The following KATNB1 variants were observed in gnomAD, a reference collection of about 807,000 sequenced individuals.
KATNB1 encodes katanin regulatory subunit B1.
Under a neutral mutation model 82.3 loss-of-function variants are expected in KATNB1, and 38 were observed. The ratio of observed to expected loss-of-function variants is 0.46; its 90% CI spans 0.36 to 0.61. The LOEUF (loss-of-function observed/expected upper bound fraction) is 0.61, where lower values mean the gene tolerates loss of function less well. KATNB1 is among the 20% of genes least tolerant of loss of function. The pLI, the probability that KATNB1 is intolerant of heterozygous loss-of-function variation, is 0.00. For synonymous variants in KATNB1, 361 were observed against 368.7 expected, an observed-to-expected ratio of 0.98 and a Z score of 0.24; for missense variants, 749 against 915.7, an observed-to-expected ratio of 0.82 and a Z score of 2.35.
In KATNB1 at chr16:57,755,010, A is replaced by G; in HGVS notation, c.1296+13A>G. 1.9e-6 allele frequency: 3 copies of G among 1,613,888 alleles called. No individual in the cohort carries two copies. The highest frequency in any genetic ancestry group is 1.7e-6 in the Non-Finnish European group (2 of 1,180,006). On this transcript the variant is annotated intron_variant, in intron 14 of 19. Coordinates refer to ENST00000379661, the MANE Select transcript of KATNB1 (RefSeq NM_005886.3). Reference sequence around the variant, plus strand: ...CCCGGTGCCAAATGTATGTCCATGGAGGGAGCATGGTGTGGGGCCTAGAGA... The same window carrying G: ...CCCGGTGCCAAATGTATGTCCATGGGGGGAGCATGGTGTGGGGCCTAGAGA...
At chr16:57,737,382 A>G (rs1253010031) in intron 2 of KATNB1, 99 bp downstream of exon 2, 7 of 1,332,754 alleles carry the variant, frequency 5.3e-6, no homozygotes, top group Non-Finnish European at 7.5e-6. Flanking sequence ...TTCTTGGCAC[A>G]GGAGGAGACT....
chr16:57,741,254 T>C (rs2148788995), intron 2 of KATNB1, among the ~76,000 whole-genome samples: 1 of 152,286 alleles, frequency 6.6e-6, no homozygotes, highest in East Asian at 1.9e-4. Flanking sequence ...AGTGCATGGG[T>C]CAATTTTTTT....
chr16:57,751,749 C>CAGGGGCT lies in KATNB1; in HGVS notation c.516+26_516+32dup. On this transcript the variant is annotated intron_variant, in intron 7 of 19. Transcript: ENST00000379661. The surrounding 1 kb of genome is among the most constrained non-coding windows in gnomAD (Gnocchi z 6.3). The stretch of plus-strand genomic sequence containing the variant: ...GGTAGCTCCCGGCCTGACCTGGGCC[C>CAGGGGCT]AGGGGCTGGGGGCTGGGGTCTGCTG... 6.2e-7 allele frequency: 1 copy of CAGGGGCT among 1,604,796 alleles called. No homozygotes were observed. Among genetic ancestry groups the CAGGGGCT allele is most frequent in the Non-Finnish European group, 8.5e-7 (1 of 1,178,128 alleles).
In KATNB1 at chr16:57,756,960, CA is replaced by C. The variant is rs1555587183; in HGVS notation, c.*15del. The C allele has an allele frequency of 4.0e-6, 6 of 1,504,870 alleles. No homozygotes were observed. Among genetic ancestry groups the C allele is most frequent in the Non-Finnish European group, 5.3e-6 (6 of 1,121,506 alleles). The allele number at this position is 1,504,870 out of a possible 1,614,324, so 93.2% of individuals were successfully genotyped here. A position where few individuals can be genotyped will look rare whatever the true frequency, so the allele number is the denominator to read the frequency against. On this transcript the variant is annotated 3_prime_UTR_variant, in exon 20 of 20. Coordinates refer to ENST00000379661, the MANE Select transcript of KATNB1 (RefSeq NM_005886.3). The stretch of plus-strand genomic sequence containing the variant: ...AGTCTGGACTGAGGAAAGCAGTGGG[CA>C]GGGGCGCTCGGCAGCCCACAGGGCC...
chr16:57,754,033 G>C, intron 13 of KATNB1, 38 bp downstream of exon 13: 1 of 1,553,098 alleles, frequency 6.4e-7, no homozygotes, highest in Non-Finnish European at 8.9e-7. Context: ...GGTCTCTGAT[G>C]CCCCCCCGTC....
rs1215504506 is a variant in KATNB1 at position 57,755,983 on chromosome 16, C to T, written c.1644-9C>T. 6.2e-7 allele frequency: 1 copy of T among 1,613,460 alleles called. No homozygotes were observed. The highest frequency in any genetic ancestry group is 1.3e-5 in the African/African-American group (1 of 75,036). On this transcript the variant is annotated splice_polypyrimidine_tract_variant and intron_variant, in intron 17 of 19. Coordinates refer to ENST00000379661, the MANE Select transcript of KATNB1 (RefSeq NM_005886.3). Reference sequence around the variant, plus strand: ...TGGGCTGATGGCAGCATGTCCTGGCCTCTCCTAGCTCCCTGTGGAAGCTGG... The same window carrying T: ...TGGGCTGATGGCAGCATGTCCTGGCTTCTCCTAGCTCCCTGTGGAAGCTGG...
Position 57,751,825 on chromosome 16 carries a change from C to T in KATNB1, c.516+101C>T. 1 of 1,405,366 alleles carries T rather than the reference C, an allele frequency of 7.1e-7. No homozygotes were observed. The highest frequency in any genetic ancestry group is 1.0e-6 in the Non-Finnish European group (1 of 1,002,430). 87.1% of individuals were successfully genotyped at this position (1,405,366 alleles called of 1,614,324 possible). A position where few individuals can be genotyped will look rare whatever the true frequency, so the allele number is the denominator to read the frequency against. ...CCCTCCTGATCGGGCTCACATGTCCCAAGCCTATCCCGAGTGGAAGGTAGC... is the reference window on the plus strand; with the variant it reads ...CCCTCCTGATCGGGCTCACATGTCCTAAGCCTATCCCGAGTGGAAGGTAGC... On this transcript the variant is annotated intron_variant, in intron 7 of 19. Coordinates refer to ENST00000379661, the MANE Select transcript of KATNB1 (RefSeq NM_005886.3). The surrounding 1 kb of genome is among the most constrained non-coding windows in gnomAD (Gnocchi z 6.3).
chr16:57,741,594 G>A (rs1267390461), intron 2 of KATNB1, 93 bp from the exon 3 acceptor site: 3 of 1,407,770 alleles, frequency 2.1e-6, no homozygotes, highest in African/African-American at 2.9e-5. Flanking sequence ...CTGGGCTTCA[G>A]GTTCCAAAGC....
intron 2 of KATNB1, among the ~76,000 whole-genome samples, chr16:57,738,178 T>A (rs2049115729): frequency 6.6e-6 from 1 of 152,130 alleles, no homozygotes; most frequent in Non-Finnish European, 1.5e-5. Context: ...CTGGTTGGCA[T>A]AGCTTTTGTG....
rs373538419 is a variant in KATNB1 at position 57,751,903 on chromosome 16, C to A, written c.517-37C>A. The A allele has an allele frequency of 1.5e-5, 23 of 1,536,538 alleles. No homozygotes were observed. The African/African-American group carries it at 2.6e-4, about 17-fold the overall frequency. ...AGAGGGAGGGTGGGCAGCCAAGATG[C>A]CTGGTCACCCTGACCTCCTCCCTGC... On this transcript the variant is annotated intron_variant, in intron 7 of 19. Transcript: ENST00000379661. The surrounding 1 kb of genome is among the most constrained non-coding windows in gnomAD (Gnocchi z 6.3).
intron 4 of KATNB1, among the ~76,000 whole-genome samples, chr16:57,748,592 C>T (rs537231617): frequency 2.0e-5 from 3 of 151,966 alleles, no homozygotes; most frequent in Non-Finnish European, 4.4e-5. Context: ...GTTGGGGGTT[C>T]CTGTGTGGGG....
Position 57,752,762 on chromosome 16 carries a change from C to T in KATNB1, c.705-16C>T. The T allele has an allele frequency of 2.5e-6, 4 of 1,606,914 alleles. No homozygotes were observed. The highest frequency in any genetic ancestry group is 1.1e-5 in the South Asian group (1 of 90,260). The stretch of plus-strand genomic sequence containing the variant: ...TGGGTGCCACAGGACCCACGGCCAT[C>T]TCTCGCCTGGCCCAGGAGCGTCCTC... On this transcript the variant is annotated splice_polypyrimidine_tract_variant and intron_variant, in intron 9 of 19. Coordinates refer to ENST00000379661, the MANE Select transcript of KATNB1 (RefSeq NM_005886.3).
chr16:57,737,315 A>G (rs1310530022), intron 2 of KATNB1, 32 bp downstream of exon 2: 2 of 1,613,436 alleles, frequency 1.2e-6, no homozygotes, highest in Non-Finnish European at 1.7e-6. Flanking sequence ...TTATCACCCC[A>G]TTTATTCTGT....
In KATNB1 at chr16:57,752,039, T is replaced by C. The variant is rs2049232888; in HGVS notation, c.616T>C (p.Ser206Pro). Residue 206 changes from serine to proline, a missense_variant, in exon 8 of 20, where the codon TCC becomes CCC. By Grantham distance (74) the Ser-to-Pro change is moderately conservative (BLOSUM62 -1). Coordinates refer to ENST00000379661, the MANE Select transcript of KATNB1 (RefSeq NM_005886.3). Reference protein sequence around the residue: ...EFHPNEYLLASGSSDRTIRFW... With the variant: ...EFHPNEYLLAPGSSDRTIRFW... ...TCACCCCAACGAGTACCTCCTGGCCTCCGGCAGCTCTGACAGGTGAGGAGG... is the reference window on the plus strand; with the variant it reads ...TCACCCCAACGAGTACCTCCTGGCCCCCGGCAGCTCTGACAGGTGAGGAGG... The C allele has an allele frequency of 6.2e-7, 1 of 1,611,724 alleles. No homozygotes were observed. The highest frequency in any genetic ancestry group is 8.5e-7 in the Non-Finnish European group (1 of 1,179,336).
At chr16:57,745,048 C>T (rs1482404666) in intron 4 of KATNB1, among the ~76,000 whole-genome samples, 1 of 152,170 alleles carries the variant, frequency 6.6e-6, no homozygotes, top group African/African-American at 2.4e-5. Context: ...AAATTTAAAA[C>T]CTCAAATACC....
Position 57,741,796 on chromosome 16 carries a change from C to T in KATNB1, c.150C>T (p.Ile50=), listed in dbSNP as rs781808722. Residue 50 remains isoleucine (I), a synonymous_variant, in exon 3 of 20, where the codon ATC becomes ATT. Transcript: ENST00000379661. ...ACTGCCGCGTCAACCTGTGGTCCAT[C>T]AACAAGCCCAACTGCATCATGGTGA... ...GDDCRVNLWS[I]NKPNCIMSLT... 7 of 1,613,396 alleles carry T rather than the reference C, an allele frequency of 4.3e-6. No homozygotes were observed. The African/African-American group carries it at 9.3e-5, about 22-fold the overall frequency.
intron 9 of KATNB1, 44 bp from the exon 10 acceptor site, chr16:57,752,734 G>C (rs1269723332): frequency 6.9e-6 from 11 of 1,595,358 alleles, no homozygotes; most frequent in Non-Finnish European, 9.4e-6. Flanking sequence ...GTGGGGACCA[G>C]GCTGGGTGCC....
intron 1 of KATNB1, among the ~76,000 whole-genome samples, chr16:57,736,445 G>T (rs2148786160): frequency 6.6e-6 from 1 of 152,286 alleles, no homozygotes; most frequent in South Asian, 2.1e-4. Flanking sequence ...CGCCCAGACT[G>T]GAGGCCTAGT....
Position 57,753,976 on chromosome 16 carries a change from C to T in KATNB1, c.1209C>T (p.Phe403=). ...CGCCACCCCGGAGAAGTGAGCCCTT[C>T]CCTGCACCCCCAGAGGACGGTGAGT... The part of the protein sequence containing the change: ...SRTPPRRSEP[F]PAPPEDDAAT... The change falls in exon 13 of 20, where the codon TTC becomes TTT. Residue 403 remains phenylalanine, a synonymous_variant. Coordinates refer to ENST00000379661, the MANE Select transcript of KATNB1 (RefSeq NM_005886.3). 1 of 1,613,698 alleles carries T rather than the reference C, an allele frequency of 6.2e-7. No individual in the cohort carries two copies. Among genetic ancestry groups the T allele is most frequent in the South Asian group, 1.1e-5 (1 of 91,046 alleles).
Sources: allele counts gnomAD v4.1 joint callset (sites outside exome capture counted in the v4.1 genomes callset), GRCh38; gene constraint gnomAD v4.1.1; non-coding constraint Gnocchi (gnomAD v3.1); transcripts MANE v1.5; gene names NCBI Gene and HGNC (gene_info 2026-07-23, HGNC 2026-07-21).